TIMM9: variants seen among roughly 807,000 people sequenced by gnomAD.
The protein encoded by TIMM9 is mitochondrial import inner membrane translocase subunit Tim9.
TIMM9 carries 10 observed loss-of-function variants against 13.4 expected under a neutral mutation model. The ratio of observed to expected loss-of-function variants is 0.75; its 90% confidence interval spans 0.46 to 1.26. The LOEUF (loss-of-function observed/expected upper bound fraction) is 1.26, where lower values mean the gene tolerates loss of function less well. TIMM9 is among the 50% of genes most tolerant of loss of function. TIMM9 has a pLI of 0.00. For synonymous variants in TIMM9, 32 were observed against 32.1 expected (o/e 1.00, Z 0.01); for missense variants, 87 against 100.8 (o/e 0.86, Z 0.58).
Position 58,410,896 on chromosome 14 carries a change from AG to A in TIMM9, c.81del (p.Cys28AlafsTer14). 1 of 1,613,704 alleles carries A rather than the reference AG, an allele frequency of 6.2e-7. No homozygotes were observed. Among genetic ancestry groups the A allele is most frequent in the Non-Finnish European group, 8.5e-7 (1 of 1,179,880 alleles). On this transcript the variant is annotated frameshift_variant, in exon 5 of 6. Transcript: ENST00000395159. LOFTEE classifies it high-confidence loss of function. ...AAGTCTTTAACACAGTCCAAAAAGC[AG>A]GTCTCTGTAAGTTTATTGTAGGTCC... ...FLGTYNKLTETCFLDCVKDFT... is the reference protein window; with the variant it reads ...FLGTYNKLTEXCFLDCVKDFT...
At chr14:58,411,035 C>A in intron 4 of TIMM9, 97 bp from the exon 5 acceptor site, 1 of 780,554 alleles carries the variant, frequency 1.3e-6, no homozygotes, top group Non-Finnish European at 2.2e-6. Flanking sequence ...ACAAAATATA[C>A]TATAACACTT....
chr14:58,424,831 C>T lies in TIMM9; in HGVS notation c.-114-736G>A, dbSNP rs981750133. Among the ~76,000 whole-genome samples, 10 of 152,202 alleles carry T rather than the reference C, an allele frequency of 6.6e-5. No individual in the cohort carries two copies. The East Asian group carries it at 1.7e-3, about 27-fold the overall frequency. Reference sequence around the variant, plus strand: ...GCAGTGAGCCATGATCACGCCACTGCTCTCTTGCCTGGGTGACAGAAAGAG... The same window carrying T: ...GCAGTGAGCCATGATCACGCCACTGTTCTCTTGCCTGGGTGACAGAAAGAG... On this transcript the variant is annotated intron_variant, in intron 2 of 5. Transcript: ENST00000395159.
intron 3 of TIMM9, among the ~76,000 whole-genome samples, chr14:58,422,321 G>A (rs561702183): frequency 1.3e-4 from 19 of 151,996 alleles, no homozygotes; most frequent in Non-Finnish European, 1.9e-4. Flanking sequence ...TCTCCACATT[G>A]GTGAGGCTGG....
At chr14:58,418,383 C>G (rs1251509275) in intron 3 of TIMM9, among the ~76,000 whole-genome samples, 2 of 152,172 alleles carry the variant, frequency 1.3e-5, no homozygotes, top group African/African-American at 4.8e-5. Flanking sequence ...TAATACTTTC[C>G]CATAAGATTG....
chr14:58,419,378 C>T (rs1021071434), intron 3 of TIMM9, among the ~76,000 whole-genome samples: 2 of 148,766 alleles, frequency 1.3e-5, no homozygotes, highest in Non-Finnish European at 3.0e-5. Context: ...TCATTTGAGC[C>T]TGGGAGGTAG....
rs1461037018 is a variant in TIMM9, at chr14:58,427,126, G to A, written c.-187C>T. 2 of 162,538 alleles carry A rather than the reference G, an allele frequency of 1.2e-5. No individual in the cohort carries two copies. Among genetic ancestry groups the A allele is most frequent in the African/African-American group, 2.4e-5 (1 of 41,536 alleles). The allele number at this position is 162,538 out of a possible 1,614,324, so 10.1% of individuals were successfully genotyped here. A position where few individuals can be genotyped will look rare whatever the true frequency, so the allele number is the denominator to read the frequency against. On this transcript the variant is annotated 5_prime_UTR_variant, in exon 2 of 6. Coordinates refer to ENST00000395159, the MANE Select transcript of TIMM9 (RefSeq NM_012460.4). ...TTGGGGGACGGTTGAGCCTTGGGAG[G>A]GAGGGTCAGGGTCTGGACAGGAGCC...
chr14:58,415,364 T>TA (rs1302395765), intron 3 of TIMM9, among the ~76,000 whole-genome samples: 1 of 152,018 alleles, frequency 6.6e-6, no homozygotes, highest in African/African-American at 2.4e-5. Context: ...CAAACTGAAT[T>TA]AAAAAAAGAC....
intron 3 of TIMM9, among the ~76,000 whole-genome samples, chr14:58,421,646 G>A (rs1312088352): frequency 1.3e-5 from 2 of 152,112 alleles, no homozygotes; most frequent in African/African-American, 2.4e-5. Flanking sequence ...AACATGCAGC[G>A]TGGTAGATAC....
chr14:58,418,637 A>G (rs2036490844), intron 3 of TIMM9, among the ~76,000 whole-genome samples: 2 of 152,356 alleles, frequency 1.3e-5, no homozygotes, highest in South Asian at 4.1e-4. Context: ...TAAAAAATCA[A>G]TTGTATTTCT....
intron 3 of TIMM9, among the ~76,000 whole-genome samples, chr14:58,415,688 A>T (rs1042813489): frequency 6.6e-6 from 1 of 152,242 alleles, no homozygotes; most frequent in Non-Finnish European, 1.5e-5. Flanking sequence ...GAAAAACATT[A>T]ACAGAGTACA....
In TIMM9 at chr14:58,408,684, A is replaced by C. The variant is rs2036110871; in HGVS notation, c.*350T>G. 5 of 1,220,258 alleles carry C rather than the reference A, an allele frequency of 4.1e-6. No individual in the cohort carries two copies. The East Asian group carries it at 1.0e-4, about 25-fold the overall frequency. The allele number at this position is 1,220,258 out of a possible 1,614,324, so 75.6% of individuals were successfully genotyped here. On this transcript the variant is annotated 3_prime_UTR_variant, in exon 6 of 6. Coordinates refer to ENST00000395159, the MANE Select transcript of TIMM9 (RefSeq NM_012460.4). ...TCCATTTATTTTACTTTGAGTAATA[A>C]AAATTTTTCTATCTCATACATGATC...
intron 3 of TIMM9, among the ~76,000 whole-genome samples, chr14:58,417,184 T>C (rs1013804993): frequency 1.3e-5 from 2 of 152,130 alleles, no homozygotes; most frequent in African/African-American, 2.4e-5. Flanking sequence ...TCCCCAGCCA[T>C]GTGGAACTGT....
intron 3 of TIMM9, among the ~76,000 whole-genome samples, chr14:58,418,864 G>A (rs912225485): frequency 6.6e-6 from 1 of 152,034 alleles, no homozygotes; most frequent in African/African-American, 2.4e-5. Flanking sequence ...TAGTAAGAAT[G>A]CCAATTTTCT....
intron 3 of TIMM9, among the ~76,000 whole-genome samples, chr14:58,421,919 AC>A (rs2036597761): frequency 2.0e-5 from 3 of 152,060 alleles, no homozygotes; most frequent in Admixed American, 2.0e-4. Flanking sequence ...CACTCACTGC[AC>A]CTCAGGAGGA....
intron 3 of TIMM9, among the ~76,000 whole-genome samples, chr14:58,420,778 A>G (rs2036565995): frequency 8.1e-6 from 1 of 123,996 alleles, no homozygotes; most frequent in South Asian, 3.3e-4. Flanking sequence ...GGGTGACGAG[A>G]GCAAAAATCC....
chr14:58,423,538 AAG>A (rs1234382262), intron 3 of TIMM9, among the ~76,000 whole-genome samples: 6 of 150,986 alleles, frequency 4.0e-5, no homozygotes, highest in African/African-American at 1.5e-4. Context: ...AAAAAAAAAA[AAG>A]ATTATGGTAT....
chr14:58,426,494 C>T (rs1303218851), intron 2 of TIMM9, among the ~76,000 whole-genome samples: 3 of 152,116 alleles, frequency 2.0e-5, no homozygotes, highest in African/African-American at 7.2e-5. Context: ...CGTGAGCCAC[C>T]GCGCTCAGAC....
chr14:58,417,174 T>C (rs559442974), intron 3 of TIMM9, among the ~76,000 whole-genome samples: 2 of 152,252 alleles, frequency 1.3e-5, no homozygotes, highest in Admixed American at 6.5e-5. Flanking sequence ...TTGTGAGGCC[T>C]CCCCAGCCAT....
intron 3 of TIMM9, among the ~76,000 whole-genome samples, chr14:58,416,680 T>C (rs926030444): frequency 1.3e-5 from 2 of 152,230 alleles, no homozygotes; most frequent in African/African-American, 4.8e-5. Context: ...AAACCATCTA[T>C]TGTGGTTCTA....
Sources: gnomAD v4.1 joint callset for allele counts (sites outside exome capture counted in the v4.1 genomes callset) on GRCh38, gnomAD v4.1.1 for gene constraint, MANE v1.5 for transcripts, NCBI Gene and HGNC (gene_info 2026-07-23, HGNC 2026-07-21) for gene names.